Variants in TP53BP1 observed in about 807,000 individuals in gnomAD.
TP53BP1 encodes the protein tumor protein p53 binding protein 1, also known as TP53-binding protein 1.
A neutral mutation model predicts 200.8 loss-of-function variants in TP53BP1; 61 were observed. The observed-to-expected ratio is 0.30, with a 90% CI of 0.25 to 0.38. The LOEUF is 0.38. Ranked by LOEUF, TP53BP1 falls within the 10% of genes least tolerant of loss-of-function variation. The pLI is 1.00. For missense variants in TP53BP1, 2,144 were observed against 2,371.9 expected, an observed-to-expected ratio of 0.90 and a Z score of 2.00; for synonymous variants, 822 against 844.3, an observed-to-expected ratio of 0.97 and a Z score of 0.46.
intron 11 of TP53BP1, among the ~76,000 whole-genome samples, chr15:43,461,671 A>AT (rs1368288841): frequency 6.9e-6 from 1 of 144,156 alleles, no homozygotes; most frequent in Non-Finnish European, 1.6e-5. Flanking sequence ...GATATACATT[A>AT]TATTTTTTTT....
Position 43,432,443 on chromosome 15 carries a change from T to C in TP53BP1, c.3426A>G (p.Glu1142=). ...DQKEGRSTNK[E]NPSKALIERP... ...TTTCAATCAAGGCCTTACTAGGATT[T>C]TCCTTATTAGTACTCCGTCCTTCTT... The change falls in exon 17 of 28, where the codon GAA becomes GAG. Residue 1142 remains glutamate, a synonymous_variant. Transcript: ENST00000382044. 1 of 1,614,216 alleles carries C rather than the reference T, an allele frequency of 6.2e-7. No homozygotes were observed.
intron 4 of TP53BP1, among the ~76,000 whole-genome samples, chr15:43,487,101 A>G (rs996767205): frequency 9.9e-5 from 15 of 152,206 alleles, no homozygotes; most frequent in Admixed American, 1.3e-4. Flanking sequence ...AGAATATATA[A>G]AGAACTCTCA....
At chr15:43,504,624 A>C (rs2079226637) in intron 1 of TP53BP1, among the ~76,000 whole-genome samples, 2 of 152,240 alleles carry the variant, frequency 1.3e-5, no homozygotes, top group East Asian at 3.8e-4. Flanking sequence ...TAGATGAGTT[A>C]AGGAAAACAG....
chr15:43,436,468 AT>A (rs2045801438), intron 16 of TP53BP1, among the ~76,000 whole-genome samples: 1 of 151,732 alleles, frequency 6.6e-6, no homozygotes, highest in Admixed American at 6.6e-5. Context: ...GATACTATTT[AT>A]TTATTTATTT....
rs199819501 is a variant in TP53BP1 at position 43,403,191 on chromosome 15, T to TAC, written c.*4190_*4191dup. The TAC allele has an allele frequency of 6.6e-6, 1 of 152,438 alleles. No homozygotes were observed. Among genetic ancestry groups the TAC allele is most frequent in the African/African-American group, 2.4e-5 (1 of 41,388 alleles). The allele number at this position is 152,438 out of a possible 1,614,324, so 9.4% of individuals were successfully genotyped here. ...GAAAAACAAGACATATATATATATA[T>TAC]ACATACAAAAATCAGTAACAACACA... On this transcript the variant is annotated 3_prime_UTR_variant, in exon 28 of 28. Transcript: ENST00000382044.
intron 25 of TP53BP1, chr15:43,409,401 T>C (rs1192796960): frequency 5.5e-6 from 3 of 540,962 alleles, no homozygotes; most frequent in Admixed American, 6.6e-5. Context: ...CTACTAAACA[T>C]AAACATCAAT....
chr15:43,407,650 C>T, intron 27 of TP53BP1, 80 bp from the exon 28 acceptor site: 1 of 1,337,894 alleles, frequency 7.5e-7, no homozygotes. Context: ...TGATTCTAAC[C>T]AATACATCCC....
In TP53BP1 at chr15:43,474,634, T is replaced by TG. The variant is rs756235435; in HGVS notation, c.1180+38_1180+39insC. On this transcript the variant is annotated intron_variant, in intron 10 of 27. Transcript: ENST00000382044. ...CAAGGCAGAAAAAGTGTTGCTCCTC[T>TG]TCTAATCTGAGATCAACAGACAGAT... is the stretch of plus-strand genomic sequence containing the variant. 5.6e-6 allele frequency: 8 copies of TG among 1,436,626 alleles called. No individual in the cohort carries two copies. The African/African-American group carries it at 1.1e-4, about 20-fold the overall frequency. 89.0% of individuals were successfully genotyped at this position (1,436,626 alleles called of 1,614,324 possible).
chr15:43,407,339 A>G lies in TP53BP1; in HGVS notation c.*44T>C, dbSNP rs370609293. 62 of 1,574,398 alleles carry G rather than the reference A, an allele frequency of 3.9e-5. No homozygotes were observed. Among genetic ancestry groups the G allele is most frequent in the Admixed American group, 6.8e-5 (4 of 59,144 alleles). On this transcript the variant is annotated 3_prime_UTR_variant, in exon 28 of 28. Transcript: ENST00000382044. ...ACATTTAAAACCTGGTTAAAACACA[A>G]TCTCCACGATAGCAGGGAATAAAAC... is the stretch of plus-strand genomic sequence containing the variant.
intron 4 of TP53BP1, among the ~76,000 whole-genome samples, chr15:43,490,559 T>C (rs2079107733): frequency 2.0e-5 from 3 of 152,104 alleles, no homozygotes. Context: ...ACAATAGTCT[T>C]TAACCATCTC....
intron 11 of TP53BP1, among the ~76,000 whole-genome samples, chr15:43,467,261 G>A (rs930988731): frequency 3.9e-5 from 6 of 152,020 alleles, no homozygotes; most frequent in Non-Finnish European, 5.9e-5. Context: ...ATGGGGTCTC[G>A]CTATGTTGCC....
At chr15:43,481,745 G>T (rs975897429) in intron 4 of TP53BP1, among the ~76,000 whole-genome samples, 3 of 151,276 alleles carry the variant, frequency 2.0e-5, no homozygotes, top group African/African-American at 7.3e-5. Context: ...AACCCAGGAG[G>T]CGGAGGTTGC....
intron 11 of TP53BP1, among the ~76,000 whole-genome samples, chr15:43,468,126 T>G (rs2046635379): frequency 1.3e-5 from 2 of 151,860 alleles, no homozygotes; most frequent in African/African-American, 4.8e-5. Context: ...GGTCTTGCTA[T>G]TTTGCCCAAG....
rs1189350793 is a variant in TP53BP1, at chr15:43,405,469, T to C, written c.*1914A>G. On this transcript the variant is annotated 3_prime_UTR_variant, in exon 28 of 28. Coordinates refer to ENST00000382044, the MANE Select transcript of TP53BP1 (RefSeq NM_001141980.3). ...TTACATTGAGAACATTTGTTGGATA[T>C]GTTCATTTATTCAATAGTCATTTAT... 1 of 562,178 alleles carries C rather than the reference T, an allele frequency of 1.8e-6. No homozygotes were observed. The highest frequency in any genetic ancestry group is 3.2e-6 in the Non-Finnish European group (1 of 315,624). 34.8% of individuals were successfully genotyped at this position (562,178 alleles called of 1,614,324 possible). A position where few individuals can be genotyped will look rare whatever the true frequency, so the allele number is the denominator to read the frequency against.
intron 13 of TP53BP1, 198 bp downstream of exon 13, chr15:43,447,168 C>G: frequency 3.4e-6 from 2 of 584,378 alleles, no homozygotes; most frequent in East Asian, 6.2e-5. Flanking sequence ...CTTCCCTCCA[C>G]CCTTTCTTTC....
rs752085386 is a variant in TP53BP1 at position 43,432,459 on chromosome 15, C to T, written c.3410G>A (p.Arg1137Gln). 2 of 1,614,024 alleles carry T rather than the reference C, an allele frequency of 1.2e-6. No homozygotes were observed. The highest frequency in any genetic ancestry group is 8.5e-7 in the Non-Finnish European group (1 of 1,180,012). Residue 1137 changes from arginine to glutamine, a missense_variant, in exon 17 of 28, where the codon CGG becomes CAG. This residue lies in a region of TP53BP1 where 1,700 missense variants were observed against 1,710.3 expected (regional missense o/e 0.99). Transcript: ENST00000382044. ...TDVLEDQKEG[R>Q]STNKENPSKA... The stretch of plus-strand genomic sequence containing the variant: ...ACTAGGATTTTCCTTATTAGTACTC[C>T]GTCCTTCTTTCTGGTCTTCTAGCAC...
chr15:43,454,981 T>C (rs1161406804), intron 12 of TP53BP1, among the ~76,000 whole-genome samples: 1 of 150,212 alleles, frequency 6.7e-6, no homozygotes, highest in Non-Finnish European at 1.5e-5. Context: ...CCGCCCACCT[T>C]GGCCTCCCAA....
Position 43,493,070 on chromosome 15 carries a change from G to C in TP53BP1, c.-27C>G, listed in dbSNP as rs751303006. 2 of 1,612,574 alleles carry C rather than the reference G, an allele frequency of 1.2e-6. No individual in the cohort carries two copies. Among genetic ancestry groups the C allele is most frequent in the African/African-American group, 2.7e-5 (2 of 74,912 alleles). On this transcript the variant is annotated 5_prime_UTR_variant, in exon 1 of 28. Coordinates refer to ENST00000382044, the MANE Select transcript of TP53BP1 (RefSeq NM_001141980.3). ...CCGGCGGGAGGTCCCTCGCGCTCGA[G>C]CTAGAGGTCTCTGCACGCTCCCCAA... is the stretch of plus-strand genomic sequence containing the variant.
chr15:43,483,996 C>G (rs1157203539), intron 4 of TP53BP1, among the ~76,000 whole-genome samples: 1 of 152,156 alleles, frequency 6.6e-6, no homozygotes, highest in Non-Finnish European at 1.5e-5. Context: ...AATCTCTGGC[C>G]TAGACTTTTC....
Sources: gnomAD v4.1 joint callset for allele counts (sites outside exome capture counted in the v4.1 genomes callset) on GRCh38, gnomAD v4.1.1 for gene constraint, gnomAD v4.1.1 regional missense constraint, MANE v1.5 for transcripts, NCBI Gene and HGNC (gene_info 2026-07-23, HGNC 2026-07-21) for gene names.